The following MAGI3 variants were observed in gnomAD, a reference collection of about 807,000 sequenced individuals.
MAGI3 encodes the protein membrane-associated guanylate kinase, WW and PDZ domain-containing protein 3.
In MAGI3, 43 loss-of-function variants were observed where a neutral mutation model predicts 121.8. That is an observed-to-expected ratio of 0.35 (90% CI 0.28 to 0.46). The LOEUF (loss-of-function observed/expected upper bound fraction) is 0.46. Among genes scored for constraint, MAGI3 ranks in the 20% least tolerant of loss-of-function variants. The pLI, the probability that MAGI3 is intolerant of heterozygous loss-of-function variation, is 1.00. For synonymous variants in MAGI3, 553 were observed against 639.3 expected (o/e 0.86, Z 2.04); for missense variants, 1,547 against 1,797.3 (o/e 0.86, Z 2.52).
At chr1:113,453,086 C>T (rs1210530029) in intron 1 of MAGI3, among the ~76,000 whole-genome samples, 1 of 152,106 alleles carries the variant, frequency 6.6e-6, no homozygotes, top group Non-Finnish European at 1.5e-5. Flanking sequence ...GGAAAGCAGA[C>T]CAGCTCAGCC....
intron 6 of MAGI3, among the ~76,000 whole-genome samples, chr1:113,610,769 A>G (rs1203266347): frequency 6.6e-6 from 1 of 152,022 alleles, no homozygotes; most frequent in Non-Finnish European, 1.5e-5. Context: ...AACCCTGTCT[A>G]CTAAAATACA....
chr1:113,450,309 C>T lies in MAGI3; in HGVS notation c.316+58960C>T, dbSNP rs139432526. The T allele has an allele frequency of 6.8e-5, 105 of 1,538,944 alleles. No individual in the cohort carries two copies. In the African/African-American group the frequency reaches 1.2e-3, roughly 17 times the overall value. On this transcript the variant is annotated intron_variant, in intron 1 of 20. Coordinates refer to ENST00000307546, the MANE Select transcript of MAGI3 (RefSeq NM_001142782.2). Reference sequence around the variant, plus strand: ...GTGGATCTGGCAATTTTATGGGTCGCGGAGGAAACTTTGGAGGTGGTGGAG... The same window carrying T: ...GTGGATCTGGCAATTTTATGGGTCGTGGAGGAAACTTTGGAGGTGGTGGAG...
chr1:113,391,304 A>T lies in MAGI3; in HGVS notation c.271A>T (p.Ile91Phe). ...CACCAACCGGGACACCCTGGCTGTC[A>T]TCCGCCACTTCCGCGAGCCCATCCG... ...GLTNRDTLAV[I>F]RHFREPIRLK... Residue 91 changes from isoleucine to phenylalanine, a missense_variant, in exon 1 of 21, where the codon ATC becomes TTC. Coordinates refer to ENST00000307546, the MANE Select transcript of MAGI3 (RefSeq NM_001142782.2). This position sits in a 1 kb window ranked among gnomAD's most constrained non-coding sequence, Gnocchi z 4.4. 6.3e-7 allele frequency: 1 copy of T among 1,594,594 alleles called. No homozygotes were observed. The highest frequency in any genetic ancestry group is 8.5e-7 in the Non-Finnish European group (1 of 1,171,886).
chr1:113,522,570 ACTCAC>A (rs1658251490), intron 1 of MAGI3, among the ~76,000 whole-genome samples: 3 of 152,306 alleles, frequency 2.0e-5, no homozygotes, highest in African/African-American at 7.2e-5. Flanking sequence ...AGATAATAAT[ACTCAC>A]CTCACAGGGA....
At chr1:113,429,676 A>G (rs1465645265) in intron 1 of MAGI3, among the ~76,000 whole-genome samples, 1 of 152,196 alleles carries the variant, frequency 6.6e-6, no homozygotes, top group African/African-American at 2.4e-5. Context: ...CTCCTATGCA[A>G]ATGAAGACTG....
chr1:113,604,565 CAAAAAAAAAAAAAAAAAAAA>C (rs59047770), intron 6 of MAGI3, among the ~76,000 whole-genome samples: 1 of 61,990 alleles, frequency 1.6e-5, no homozygotes, highest in Non-Finnish European at 2.6e-5. Flanking sequence ...GTCTCCATCT[CAAAAAAAAAAAAAAAAAAAA>C]AAAAAAAAAA....
intron 6 of MAGI3, among the ~76,000 whole-genome samples, chr1:113,600,000 G>A (rs565103737): frequency 3.9e-4 from 60 of 152,202 alleles, no homozygotes; most frequent in African/African-American, 1.3e-3. Flanking sequence ...ATGCAGAAAA[G>A]GCCTTTGAAA....
chr1:113,469,051 C>A (rs1178237593), intron 1 of MAGI3, among the ~76,000 whole-genome samples: 1 of 152,092 alleles, frequency 6.6e-6, no homozygotes, highest in African/African-American at 2.4e-5. Flanking sequence ...CATACATAAA[C>A]ACACTTGCAC....
chr1:113,655,191 A>G (rs1304757548), intron 15 of MAGI3, among the ~76,000 whole-genome samples: 1 of 152,204 alleles, frequency 6.6e-6, no homozygotes, highest in Non-Finnish European at 1.5e-5. Flanking sequence ...TTCATGTTGT[A>G]TCATTGGAAT....
intron 2 of MAGI3, among the ~76,000 whole-genome samples, chr1:113,557,805 C>T (rs1197005621): frequency 6.6e-6 from 1 of 152,114 alleles, no homozygotes; most frequent in East Asian, 1.9e-4. Flanking sequence ...CAGGTACGTT[C>T]GGGCTGGCAG....
At chr1:113,429,973 T>C (rs1653218832) in intron 1 of MAGI3, among the ~76,000 whole-genome samples, 1 of 152,116 alleles carries the variant, frequency 6.6e-6, no homozygotes, top group South Asian at 2.1e-4. Flanking sequence ...ACAGTGGCCT[T>C]AGTGTTTCAG....
At position 113,533,693 on chromosome 1, in the gene MAGI3, G is replaced by A. The variant is rs760340973; in HGVS notation, c.317-15822G>A. ...ACTCAGAAAGACCTTGTTGCCAAGC[G>A]AACGGAATACAGATAACACACCGTG... On this transcript the variant is annotated intron_variant, in intron 1 of 20. Coordinates refer to ENST00000307546, the MANE Select transcript of MAGI3 (RefSeq NM_001142782.2). 6.6e-5 allele frequency among the ~76,000 whole-genome samples: 10 copies of A among 151,834 alleles called. No individual in the cohort carries two copies. The South Asian group carries it at 1.9e-3, about 28-fold the overall frequency.
chr1:113,628,420 T>G (rs975001361), intron 9 of MAGI3, among the ~76,000 whole-genome samples: 18 of 152,200 alleles, frequency 1.2e-4, no homozygotes, highest in Non-Finnish European at 2.4e-4. Flanking sequence ...TTTTGATTGG[T>G]TCATTGTTTA....
chr1:113,544,905 TAAAC>T (rs148776978), intron 1 of MAGI3, among the ~76,000 whole-genome samples: 10,193 of 152,192 alleles, frequency 0.067, 371 homozygotes, highest in African/African-American at 0.074. Flanking sequence ...CAGAGGAAAT[TAAAC>T]AAACAAACAA....
chr1:113,457,552 A>G (rs1315545195), intron 1 of MAGI3, among the ~76,000 whole-genome samples: 1 of 151,922 alleles, frequency 6.6e-6, no homozygotes, highest in Non-Finnish European at 1.5e-5. Flanking sequence ...GGTAATTTTC[A>G]TAGATTTTGT....
chr1:113,495,144 C>T (rs1168263006), intron 1 of MAGI3, among the ~76,000 whole-genome samples: 1 of 152,044 alleles, frequency 6.6e-6, no homozygotes. Flanking sequence ...AAAATTGAAA[C>T]CAGTTTAACT....
intron 1 of MAGI3, among the ~76,000 whole-genome samples, chr1:113,397,504 A>C (rs1475633641): frequency 1.3e-5 from 2 of 152,134 alleles, no homozygotes; most frequent in Non-Finnish European, 2.9e-5. Context: ...TCCATACAGA[A>C]AGGTTTACAG....
In MAGI3 at chr1:113,658,193, C is replaced by G. The variant is rs1653582631; in HGVS notation, c.2630-887C>G. Among the ~76,000 whole-genome samples, 1 of 152,210 alleles carries G rather than the reference C, an allele frequency of 6.6e-6. No homozygotes were observed. The highest frequency in any genetic ancestry group is 6.5e-5 in the Admixed American group (1 of 15,284). On this transcript the variant is annotated intron_variant, in intron 15 of 20. Transcript: ENST00000307546. The surrounding 1 kb of genome is among the most constrained non-coding windows in gnomAD (Gnocchi z 4.0). ...TAGAAGGAACATTTGTTTCCTAATA[C>G]AAATGCTGCCTGTTGCACGGTGGAA...
chr1:113,622,751 G>A (rs1650905035), intron 8 of MAGI3, 55 bp from the exon 9 acceptor site: 4 of 1,348,442 alleles, frequency 3.0e-6, no homozygotes, highest in Non-Finnish European at 3.0e-6. Context: ...GACTCTGAGT[G>A]CTATATTCAT....
Sources: gnomAD v4.1 joint callset for allele counts (sites outside exome capture counted in the v4.1 genomes callset) on GRCh38, gnomAD v4.1.1 for gene constraint, Gnocchi (gnomAD v3.1) non-coding constraint, MANE v1.5 for transcripts, NCBI Gene and HGNC (gene_info 2026-07-23, HGNC 2026-07-21) for gene names.